The following IL21R variants were observed in gnomAD, a reference collection of about 807,000 sequenced individuals.
IL21R encodes the protein interleukin-21 receptor.
A neutral mutation model predicts 41.3 loss-of-function variants in IL21R; 14 were observed. The ratio of observed to expected loss-of-function variants is 0.34; its 90% CI spans 0.22 to 0.53. The LOEUF is 0.53. Ranked by LOEUF, IL21R falls within the 20% of genes least tolerant of loss-of-function variation. The probability of loss-of-function intolerance (pLI) is 0.94; values close to 1 mark genes in which losing one functional copy is unlikely to be tolerated. For synonymous variants in IL21R, 286 were observed against 287.6 expected, an observed-to-expected ratio of 0.99 and a Z score of 0.05; for missense variants, 588 against 681.6, an observed-to-expected ratio of 0.86 and a Z score of 1.53.
At chr16:27,414,440 G>T (rs1248104206) in intron 1 of IL21R, among the ~76,000 whole-genome samples, 1 of 151,810 alleles carries the variant, frequency 6.6e-6, no homozygotes, top group Non-Finnish European at 1.5e-5. Context: ...TATTAGATTT[G>T]ACTTGTTAAT....
At chr16:27,439,071 G>A (rs928390783) in intron 4 of IL21R, among the ~76,000 whole-genome samples, 8 of 152,148 alleles carry the variant, frequency 5.3e-5, no homozygotes, top group Non-Finnish European at 7.4e-5. Context: ...CAGCAGAGGG[G>A]CTGGGGTATA....
At chr16:27,439,436 G>GCACA (rs779126657) in intron 4 of IL21R, among the ~76,000 whole-genome samples, 22 of 151,178 alleles carry the variant, frequency 1.5e-4, no homozygotes, top group Non-Finnish European at 2.4e-4. Flanking sequence ...TCATACATGG[G>GCACA]CACACACACG....
At chr16:27,424,182 C>A (rs1190142701) in intron 1 of IL21R, among the ~76,000 whole-genome samples, 2 of 152,248 alleles carry the variant, frequency 1.3e-5, no homozygotes, top group East Asian at 3.9e-4. Flanking sequence ...TCAAGCAATT[C>A]TCCTGCCTCA....
intron 3 of IL21R, among the ~76,000 whole-genome samples, chr16:27,435,530 T>C (rs1043774019): frequency 5.7e-4 from 86 of 152,146 alleles, no homozygotes; most frequent in African/African-American, 2.0e-3. Flanking sequence ...CAGAACTCAC[T>C]GTAGCCTTGA....
rs1300546209 is a variant in IL21R at position 27,449,371 on chromosome 16, G to A, written c.*88G>A. On this transcript the variant is annotated 3_prime_UTR_variant, in exon 9 of 9. Transcript: ENST00000337929. ...CCTGGGCTGTGATGTGAAGACACCTGCAGCCTTTGGTCTCCTGGATGGGCC... is the reference window on the plus strand; with the variant it reads ...CCTGGGCTGTGATGTGAAGACACCTACAGCCTTTGGTCTCCTGGATGGGCC... 6 of 1,360,626 alleles carry A rather than the reference G, an allele frequency of 4.4e-6. No homozygotes were observed. Among genetic ancestry groups the A allele is most frequent in the Admixed American group, 2.4e-5 (1 of 42,032 alleles). 84.3% of individuals were successfully genotyped at this position (1,360,626 alleles called of 1,614,324 possible).
chr16:27,425,294 C>T (rs1359277903), intron 1 of IL21R, among the ~76,000 whole-genome samples: 3 of 152,108 alleles, frequency 2.0e-5, no homozygotes, highest in South Asian at 2.1e-4. Context: ...GGGATGGATT[C>T]GGGGCAGAGA....
At position 27,405,920 on chromosome 16, in the gene IL21R, G is replaced by A. The variant is rs937368702; in HGVS notation, c.-17+3302G>A. Among the ~76,000 whole-genome samples, 2 of 152,386 alleles carry A rather than the reference G, an allele frequency of 1.3e-5. 1 individual carries two copies. Among genetic ancestry groups the A allele is most frequent in the South Asian group, 4.1e-4 (2 of 4,830 alleles). On this transcript the variant is annotated intron_variant, in intron 1 of 8. Transcript: ENST00000337929. ...AGCCTGCTGATCTCTGCAGCCCACAGGAAGGATCTGGCCACCCCGACCCCT... is the reference window on the plus strand; with the variant it reads ...AGCCTGCTGATCTCTGCAGCCCACAAGAAGGATCTGGCCACCCCGACCCCT...
At chr16:27,446,178 C>T (rs2087475302) in intron 8 of IL21R, 90 bp downstream of exon 8, 3 of 1,024,156 alleles carry the variant, frequency 2.9e-6, no homozygotes, top group South Asian at 1.5e-5. Context: ...CCCAGCCTCA[C>T]CCCACAGGCC....
intron 1 of IL21R, among the ~76,000 whole-genome samples, chr16:27,403,692 T>C (rs1052258510): frequency 6.6e-6 from 1 of 152,216 alleles, no homozygotes; most frequent in Non-Finnish European, 1.5e-5. Context: ...AATGGCCCTT[T>C]TCCTTTGAGG....
Position 27,448,984 on chromosome 16 carries a change from G to A in IL21R, c.1318G>A (p.Gly440Arg), listed in dbSNP as rs199518227. ...CVSAGSPGLG[G>R]PLGSLLDRLK... ...CTCAGCTGGCAGCCCTGGGCTAGGA[G>A]GGCCCCTGGGAAGCCTCCTGGACAG... The change falls in exon 9 of 9, where the codon GGG (glycine) becomes AGG (arginine). Residue 440 changes from glycine (G) to arginine (R), a missense_variant. Physicochemically the swap from Gly to Arg is moderately radical, Grantham distance 125. Coordinates refer to ENST00000337929, the MANE Select transcript of IL21R (RefSeq NM_181078.3). The A allele has an allele frequency of 2.3e-5, 37 of 1,612,918 alleles. No individual in the cohort carries two copies. The highest frequency in any genetic ancestry group is 2.9e-5 in the Non-Finnish European group (34 of 1,179,920).
intron 1 of IL21R, among the ~76,000 whole-genome samples, chr16:27,404,561 G>A (rs2086708660): frequency 6.6e-6 from 1 of 152,148 alleles, no homozygotes; most frequent in Non-Finnish European, 1.5e-5. Flanking sequence ...TGAAAGGAAC[G>A]GGGTATCCGT....
intron 1 of IL21R, among the ~76,000 whole-genome samples, chr16:27,407,716 T>G (rs999640545): frequency 1.3e-5 from 2 of 152,150 alleles, no homozygotes; most frequent in African/African-American, 2.4e-5. Context: ...TCCCAGCTAC[T>G]TGGGAGGCTG....
chr16:27,404,889 C>T (rs179774), intron 1 of IL21R, among the ~76,000 whole-genome samples: 151,010 of 152,250 alleles, frequency 0.99, 74,894 homozygotes, highest in East Asian at 1. Flanking sequence ...ACCTATTCTT[C>T]ATGGAACATC....
At chr16:27,405,471 C>G (rs187168613) in intron 1 of IL21R, among the ~76,000 whole-genome samples, 2 of 152,238 alleles carry the variant, frequency 1.3e-5, no homozygotes, top group Non-Finnish European at 2.9e-5. Flanking sequence ...CTGCTTCCCC[C>G]CTTTTACAGA....
At position 27,449,457 on chromosome 16, in the gene IL21R, C is replaced by CGT. The variant is rs770366293; in HGVS notation, c.*174_*175insGT. 7.4e-3 allele frequency: 4,670 copies of CGT among 632,352 alleles called. 20 individuals carry two copies. The highest frequency in any genetic ancestry group is 0.011 in the Non-Finnish European group (4,040 of 378,714). The allele number at this position is 632,352 out of a possible 1,614,324, so 39.2% of individuals were successfully genotyped here. ...GTGCATATGTGTGTGTGTGCATATG[C>CGT]ATGTGTGTGTGTGTGTGTGTCTTAG... On this transcript the variant is annotated 3_prime_UTR_variant, in exon 9 of 9. Coordinates refer to ENST00000337929, the MANE Select transcript of IL21R (RefSeq NM_181078.3).
intron 1 of IL21R, among the ~76,000 whole-genome samples, chr16:27,424,038 G>A (rs142456348): frequency 8.5e-5 from 13 of 152,142 alleles, no homozygotes; most frequent in Non-Finnish European, 1.5e-5. Context: ...AAATTAAAAT[G>A]GTATGTCATT....
At chr16:27,403,625 C>A (rs2086695707) in intron 1 of IL21R, among the ~76,000 whole-genome samples, 1 of 152,214 alleles carries the variant, frequency 6.6e-6, no homozygotes, top group Non-Finnish European at 1.5e-5. Context: ...GTACCCCCAT[C>A]CTGGTGGAGC....
intron 2 of IL21R, 143 bp downstream of exon 2, chr16:27,430,263 A>G (rs2087148254): frequency 1.5e-6 from 1 of 663,638 alleles, no homozygotes; most frequent in Admixed American, 2.7e-5. Flanking sequence ...TGAGGCTGAC[A>G]CGAGTCCAGT....
rs751495849 is a variant in IL21R at position 27,449,100 on chromosome 16, G to T, written c.1434G>T (p.Ala478=). ...CTGGAGGGGTCTCAGAGAGTGAGGC[G>T]GGCTCACCCCTGGCCGGCCTGGATA... is the stretch of plus-strand genomic sequence containing the variant. ...RSPGGVSESE[A]GSPLAGLDMD... is the part of the protein sequence containing the mutation. Residue 478 remains alanine, a synonymous_variant, in exon 9 of 9, where the codon GCG becomes GCT. Coordinates refer to ENST00000337929, the MANE Select transcript of IL21R (RefSeq NM_181078.3). The T allele has an allele frequency of 2.5e-6, 4 of 1,613,500 alleles. No homozygotes were observed. Among genetic ancestry groups the T allele is most frequent in the East Asian group, 4.5e-5 (2 of 44,878 alleles).
Sources: allele counts gnomAD v4.1 joint callset (sites outside exome capture counted in the v4.1 genomes callset), GRCh38; gene constraint gnomAD v4.1.1; transcripts MANE v1.5; gene names NCBI Gene and HGNC (gene_info 2026-07-23, HGNC 2026-07-21).